Variants in SENP7 observed in about 807,000 individuals in gnomAD.
SENP7 encodes the protein SUMO specific peptidase 7.
A neutral mutation model predicts 141.2 loss-of-function variants in SENP7; 64 were observed. That is an observed-to-expected ratio of 0.45 (90% CI 0.37 to 0.56). The LOEUF (loss-of-function observed/expected upper bound fraction) is 0.56, where lower values mean the gene tolerates loss of function less well. SENP7 is among the 20% of genes least tolerant of loss of function. The pLI is 0.00. For synonymous variants in SENP7, 382 were observed against 426.4 expected (o/e 0.90, Z 1.28); for missense variants, 1,025 against 1,212.2 (o/e 0.85, Z 2.29).
chr3:101,328,591 C>T lies in SENP7; in HGVS notation c.2796-45G>A. The T allele has an allele frequency of 2.5e-6, 4 of 1,600,118 alleles. No individual in the cohort carries two copies. In the South Asian group the frequency reaches 3.3e-5, roughly 13 times the overall value. Reference sequence around the variant, plus strand: ...AAATCAAGATTTACATACTTGTATACAAAGTATATCTAAATACCTCAAAAA... The same window carrying T: ...AAATCAAGATTTACATACTTGTATATAAAGTATATCTAAATACCTCAAAAA... On this transcript the variant is annotated intron_variant, in intron 21 of 23. Transcript: ENST00000394095.
At chr3:101,500,003 T>C (rs1457825777) in intron 2 of SENP7, among the ~76,000 whole-genome samples, 2 of 152,088 alleles carry the variant, frequency 1.3e-5, no homozygotes, top group East Asian at 1.9e-4. Flanking sequence ...ACCATGCAAA[T>C]CTTAAGCCAA....
intron 4 of SENP7, among the ~76,000 whole-genome samples, chr3:101,418,665 A>G (rs1387442354): frequency 6.9e-6 from 1 of 144,918 alleles, no homozygotes; most frequent in African/African-American, 2.5e-5. Context: ...CATATTTTCA[A>G]GATAAAACGG....
chr3:101,353,640 G>C (rs969146045), intron 11 of SENP7, among the ~76,000 whole-genome samples: 1 of 151,858 alleles, frequency 6.6e-6, no homozygotes, highest in Non-Finnish European at 1.5e-5. Flanking sequence ...TCTTACAATA[G>C]CTAATAGTTA....
At chr3:101,404,465 C>G (rs2061240809) in intron 5 of SENP7, among the ~76,000 whole-genome samples, 3 of 152,058 alleles carry the variant, frequency 2.0e-5, no homozygotes, top group Admixed American at 1.3e-4. Flanking sequence ...GTATAAAAAA[C>G]CTAGAAGAAA....
Position 101,328,495 on chromosome 3 carries a change from T to C in SENP7, c.2847A>G (p.Thr949=), listed in dbSNP as rs1218103465. Residue 949 remains threonine, a synonymous_variant, in exon 22 of 24, where the codon ACA becomes ACG. Transcript: ENST00000394095. ...DSLKAASVQN[T]VQNLREYLEV... is the part of the protein sequence containing the mutation. ...TTACTTACTCTCGTAAATTCTGAAC[T>C]GTGTTTTGTACAGAAGCAGCTTTCA... 3.1e-6 allele frequency: 5 copies of C among 1,612,194 alleles called. No homozygotes were observed. Among genetic ancestry groups the C allele is most frequent in the South Asian group, 2.2e-5 (2 of 90,962 alleles).
intron 1 of SENP7, among the ~76,000 whole-genome samples, chr3:101,512,622 CCACCTTTCCTCCCCAGCAG>C (rs1393716048): frequency 2.0e-5 from 3 of 152,144 alleles, no homozygotes; most frequent in African/African-American, 7.2e-5. Flanking sequence ...GTCGCAAGCC[CCACCTTTCCTCCCCAGCAG>C]CAGCTACCTG....
chr3:101,403,964 A>G (rs2061228002), intron 5 of SENP7, among the ~76,000 whole-genome samples: 1 of 152,116 alleles, frequency 6.6e-6, no homozygotes, highest in African/African-American at 2.4e-5. Context: ...TCATGGATAG[A>G]AAGTATCAAT....
intron 6 of SENP7, among the ~76,000 whole-genome samples, chr3:101,384,964 T>G (rs761038831): frequency 5.3e-5 from 8 of 152,170 alleles, no homozygotes; most frequent in Non-Finnish European, 1.0e-4. Context: ...CTAATAGCAG[T>G]GCAAGAATGG....
At position 101,382,212 on chromosome 3, in the gene SENP7, T is replaced by A. The variant is rs2060522394; in HGVS notation, c.678-10086A>T. On this transcript the variant is annotated intron_variant, in intron 6 of 23. Transcript: ENST00000394095. ...TATTTTTAGGTACAGGGTCTCACTC[T>A]GTCACCCATGCTGGAGTGCAGTGGC... Among the ~76,000 whole-genome samples the A allele has an allele frequency of 1.3e-5, 2 of 152,238 alleles. 1 individual carries two copies. Among genetic ancestry groups the A allele is most frequent in the South Asian group, 4.1e-4 (2 of 4,834 alleles).
At chr3:101,495,442 T>C (rs1414405533) in intron 2 of SENP7, among the ~76,000 whole-genome samples, 1 of 152,170 alleles carries the variant, frequency 6.6e-6, no homozygotes, top group Non-Finnish European at 1.5e-5. Context: ...TACAAAGATA[T>C]ATGCATGCAC....
chr3:101,398,835 T>C (rs2061048593), intron 6 of SENP7, 26 bp downstream of exon 6: 9 of 1,430,012 alleles, frequency 6.3e-6, no homozygotes, highest in Non-Finnish European at 8.6e-6. Context: ...TATAATTATT[T>C]TGAGTAAAGT....
intron 5 of SENP7, among the ~76,000 whole-genome samples, chr3:101,408,699 C>G (rs191839089): frequency 2.0e-5 from 3 of 152,112 alleles, no homozygotes; most frequent in South Asian, 4.1e-4. Context: ...TCACCTCAAT[C>G]GATGCAGAAA....
chr3:101,327,454 A>G (rs1358258781), intron 23 of SENP7, among the ~76,000 whole-genome samples: 1 of 151,974 alleles, frequency 6.6e-6, no homozygotes, highest in African/African-American at 2.4e-5. Flanking sequence ...GTAAAAAAGG[A>G]TATGTTTGCT....
At position 101,325,840 on chromosome 3, in the gene SENP7, T is replaced by A. The variant is rs1222600053; in HGVS notation, c.*103A>T. On this transcript the variant is annotated 3_prime_UTR_variant, in exon 24 of 24. Transcript: ENST00000394095. ...ATGTTCCAATGACTTATTATAAAACTACTGCAAGTTATTTTCTTCTCTGTG... is the reference window on the plus strand; with the variant it reads ...ATGTTCCAATGACTTATTATAAAACAACTGCAAGTTATTTTCTTCTCTGTG... 1 of 1,036,444 alleles carries A rather than the reference T, an allele frequency of 9.6e-7. No individual in the cohort carries two copies. The highest frequency in any genetic ancestry group is 2.6e-5 in the East Asian group (1 of 37,930). The allele number at this position is 1,036,444 out of a possible 1,614,324, so 64.2% of individuals were successfully genotyped here. A position where few individuals can be genotyped will look rare whatever the true frequency, so the allele number is the denominator to read the frequency against.
intron 15 of SENP7, 40 bp from the exon 16 acceptor site, chr3:101,340,251 A>C: frequency 6.5e-7 from 1 of 1,536,564 alleles, no homozygotes; most frequent in Non-Finnish European, 8.7e-7. Context: ...CTGATATTGA[A>C]AATCCTATTA....
At chr3:101,419,328 G>T (rs746981828) in intron 4 of SENP7, among the ~76,000 whole-genome samples, 8 of 152,212 alleles carry the variant, frequency 5.3e-5, no homozygotes, top group Non-Finnish European at 8.8e-5. Context: ...GAGACTTTAT[G>T]TCAACAACAA....
At chr3:101,453,161 A>G (rs2063212574) in intron 4 of SENP7, among the ~76,000 whole-genome samples, 1 of 152,248 alleles carries the variant, frequency 6.6e-6, no homozygotes, top group East Asian at 1.9e-4. Flanking sequence ...CAAAACCACA[A>G]TGAGATACCA....
rs1576015683 is a variant in SENP7 at position 101,343,724 on chromosome 3, C to T, written c.2068G>A (p.Ala690Thr). ...VSTCSFPAGV[A>T]VAEEMKLKSV... ...TTCAGCTTCATTTCTTCAGCAACAGCAACACCAGCAGGGAAAGAACAAGTT... is the reference window on the plus strand; with the variant it reads ...TTCAGCTTCATTTCTTCAGCAACAGTAACACCAGCAGGGAAAGAACAAGTT... The change falls in exon 14 of 24, where the codon GCT becomes ACT. Residue 690 changes from alanine (A) to threonine (T), a missense_variant. Ala to Thr is a moderately conservative substitution (Grantham distance 58). Coordinates refer to ENST00000394095, the MANE Select transcript of SENP7 (RefSeq NM_020654.5). The T allele has an allele frequency of 1.2e-6, 2 of 1,613,000 alleles. No individual in the cohort carries two copies. The highest frequency in any genetic ancestry group is 1.7e-6 in the Non-Finnish European group (2 of 1,179,584).
intron 11 of SENP7, chr3:101,358,823 G>C (rs2059815182): frequency 6.5e-6 from 1 of 153,784 alleles, no homozygotes; most frequent in Admixed American, 6.5e-5. Flanking sequence ...TTAGTAGAGA[G>C]GGGGTTTCAC....
Sources: gnomAD v4.1 joint callset for allele counts (sites outside exome capture counted in the v4.1 genomes callset) on GRCh38, gnomAD v4.1.1 for gene constraint, MANE v1.5 for transcripts, NCBI Gene and HGNC (gene_info 2026-07-23, HGNC 2026-07-21) for gene names.